ESR2: variants seen among roughly 807,000 people sequenced by gnomAD.
ESR2 encodes the protein estrogen receptor 2.
In ESR2, 36 loss-of-function variants were observed where a neutral mutation model predicts 49.6. That is an observed-to-expected ratio of 0.73 (90% CI 0.56 to 0.96). The LOEUF (loss-of-function observed/expected upper bound fraction) is 0.96. Among genes scored for constraint, ESR2 ranks in the 40% least tolerant of loss-of-function variants. The pLI is 0.00. For missense variants in ESR2, 714 were observed against 693.0 expected (o/e 1.03, Z -0.34); for synonymous variants, 320 against 266.1 (o/e 1.20, Z -1.97).
At chr14:64,248,066 T>A (rs72548763) in intron 7 of ESR2, among the ~76,000 whole-genome samples, 33 of 152,214 alleles carry the variant, frequency 2.2e-4, no homozygotes, top group African/African-American at 7.5e-4. Flanking sequence ...TGGTGGCAGG[T>A]GCTTGTGGTC....
intron 5 of ESR2, chr14:64,260,158 C>T (rs1293474410): frequency 1.5e-6 from 1 of 645,648 alleles, no homozygotes; most frequent in Non-Finnish European, 2.9e-6. Flanking sequence ...GAAAAGAAGG[C>T]AGTCAAGAAT....
At chr14:64,328,217 G>A (rs891491221) in intron 1 of ESR2, among the ~76,000 whole-genome samples, 2 of 151,796 alleles carry the variant, frequency 1.3e-5, no homozygotes, top group Admixed American at 6.6e-5. Context: ...ACGAGACTTC[G>A]TCTCAAAAAA....
intron 1 of ESR2, among the ~76,000 whole-genome samples, chr14:64,283,994 C>T (rs562018057): frequency 3.0e-4 from 46 of 151,924 alleles, no homozygotes; most frequent in Admixed American, 1.1e-3. Context: ...GGCATGATCT[C>T]GGCTCACTGC....
chr14:64,227,471 G>A (rs1474183717), downstream of ESR2: 16 of 1,550,442 alleles, frequency 1.0e-5, no homozygotes, highest in African/African-American at 1.4e-5. Flanking sequence ...TGATCCCAGA[G>A]GGAAACTGAA....
At chr14:64,267,883 CAAA>C (rs397691951) in intron 4 of ESR2, among the ~76,000 whole-genome samples, 7 of 79,568 alleles carry the variant, frequency 8.8e-5, no homozygotes, top group African/African-American at 9.0e-5. Flanking sequence ...GACTCCATCT[CAAA>C]AAAAAAAAAA....
intron 6 of ESR2, among the ~76,000 whole-genome samples, chr14:64,250,534 G>C (rs187361886): frequency 6.6e-6 from 1 of 152,300 alleles, no homozygotes; most frequent in African/African-American, 2.4e-5. Context: ...ATTATTGTCA[G>C]TCACAGGGTT....
chr14:64,316,335 C>T (rs2077255036), intron 1 of ESR2, among the ~76,000 whole-genome samples: 1 of 152,038 alleles, frequency 6.6e-6, no homozygotes, highest in African/African-American at 2.4e-5. Context: ...TAAAACTTCC[C>T]ATAACAGAAA....
At chr14:64,242,460 A>G (rs937054378) in intron 7 of ESR2, among the ~76,000 whole-genome samples, 2 of 149,862 alleles carry the variant, frequency 1.3e-5, no homozygotes, top group Non-Finnish European at 3.0e-5. Context: ...AAATATATAT[A>G]TATATATAAA....
intron 1 of ESR2, among the ~76,000 whole-genome samples, chr14:64,304,693 AC>A (rs1196867390): frequency 1.3e-5 from 2 of 151,956 alleles, no homozygotes; most frequent in Non-Finnish European, 2.9e-5. Flanking sequence ...ACATAGTGAG[AC>A]CATGTCTCTG....
At position 64,294,183 on chromosome 14, in the gene ESR2, G is replaced by GC. The variant is rs2076920264; in HGVS notation, c.-242dup. On this transcript the variant is annotated 5_prime_UTR_variant, in exon 1 of 9. Transcript: ENST00000341099. ...AGCTCAGGCTCCGGGCGCCAGCCCT[G>GC]CCCCGCAGCCCCAGAGCCCGTCGCA... is the stretch of plus-strand genomic sequence containing the variant. The GC allele has an allele frequency of 6.6e-6, 1 of 152,270 alleles. No individual in the cohort carries two copies. The highest frequency in any genetic ancestry group is 1.5e-5 in the Non-Finnish European group (1 of 68,076). The allele number at this position is 152,270 out of a possible 1,614,324, so 9.4% of individuals were successfully genotyped here. A position where few individuals can be genotyped will look rare whatever the true frequency, so the allele number is the denominator to read the frequency against.
chr14:64,291,540 T>TTA lies in ESR2; in HGVS notation c.-91+2491_-91+2492dup, dbSNP rs748533270. ...AGGAAAAAGGAAAAAGACATCAATT[T>TTA]TATATATATATATGTTAGCAGTACC... On this transcript the variant is annotated intron_variant, in intron 1 of 8. Transcript: ENST00000341099. 3.4e-4 allele frequency among the ~76,000 whole-genome samples: 51 copies of TTA among 151,962 alleles called. 1 individual carries two copies. Among genetic ancestry groups the TTA allele is most frequent in the South Asian group, 1.2e-3 (6 of 4,802 alleles).
chr14:64,287,685 C>A lies in ESR2; in HGVS notation c.-90-4610G>T, dbSNP rs533788697. Among the ~76,000 whole-genome samples, 6 of 152,018 alleles carry A rather than the reference C, an allele frequency of 3.9e-5. No individual in the cohort carries two copies. The South Asian group carries it at 1.2e-3, about 32-fold the overall frequency. ...GTAATAGTTCTCTGAGACAGGAGAACAGGTAGCAAAAAAAGACCTCCTTTC... is the reference window on the plus strand; with the variant it reads ...GTAATAGTTCTCTGAGACAGGAGAAAAGGTAGCAAAAAAAGACCTCCTTTC... On this transcript the variant is annotated intron_variant, in intron 1 of 8. Transcript: ENST00000341099.
intron 7 of ESR2, among the ~76,000 whole-genome samples, chr14:64,239,936 TGAG>T (rs2075686306): frequency 6.6e-6 from 1 of 152,232 alleles, no homozygotes; most frequent in Admixed American, 6.5e-5. Flanking sequence ...ATTAACTATT[TGAG>T]TATATATCCC....
intron 7 of ESR2, among the ~76,000 whole-genome samples, chr14:64,244,495 T>C (rs529406520): frequency 6.6e-6 from 1 of 152,092 alleles, no homozygotes; most frequent in African/African-American, 2.4e-5. Flanking sequence ...AGTGCCCAGA[T>C]AGAACGAAAT....
intron 7 of ESR2, among the ~76,000 whole-genome samples, chr14:64,242,354 C>T (rs1262049836): frequency 6.6e-6 from 1 of 150,826 alleles, no homozygotes; most frequent in Non-Finnish European, 1.5e-5. Flanking sequence ...TTGCGGTGAG[C>T]CCTGAGATAG....
At chr14:64,320,393 T>C (rs889662060) in intron 1 of ESR2, among the ~76,000 whole-genome samples, 3 of 150,890 alleles carry the variant, frequency 2.0e-5, no homozygotes, top group South Asian at 2.1e-4. Context: ...TAGCGAGACA[T>C]CCATCTCAAA....
At chr14:64,235,237 G>T in intron 7 of ESR2, 87 bp from the exon 8 acceptor site, 2 of 1,411,872 alleles carry the variant, frequency 1.4e-6, no homozygotes, top group African/African-American at 1.4e-5. Context: ...CCTGCTCCGA[G>T]GTGATCTGGG....
rs552349982 is a variant in ESR2 at position 64,234,525 on chromosome 14, G to A, written c.1406+445C>T. On this transcript the variant is annotated intron_variant, in intron 8 of 8. Coordinates refer to ENST00000341099, the MANE Select transcript of ESR2 (RefSeq NM_001437.3). ...TTATCCTTAATTTCCTGATGCCACCGAAAGAACAACTCTTAGGGAAGCATT... is the reference window on the plus strand; with the variant it reads ...TTATCCTTAATTTCCTGATGCCACCAAAAGAACAACTCTTAGGGAAGCATT... 2.4e-4 allele frequency: 45 copies of A among 187,590 alleles called. 1 individual carries two copies. In the South Asian group the frequency reaches 5.3e-3, roughly 22 times the overall value. The allele number at this position is 187,590 out of a possible 1,614,324, so 11.6% of individuals were successfully genotyped here.
At chr14:64,273,747 T>C (rs2076497130) in intron 3 of ESR2, among the ~76,000 whole-genome samples, 1 of 152,212 alleles carries the variant, frequency 6.6e-6, no homozygotes, top group Admixed American at 6.5e-5. Flanking sequence ...GATATTGGTC[T>C]GTCATATTCT....
Sources: gnomAD v4.1 joint callset for allele counts (sites outside exome capture counted in the v4.1 genomes callset) on GRCh38, gnomAD v4.1.1 for gene constraint, MANE v1.5 for transcripts, NCBI Gene and HGNC (gene_info 2026-07-23, HGNC 2026-07-21) for gene names.